LOXHD1: variants seen among roughly 807,000 people sequenced by gnomAD.
LOXHD1 encodes lipoxygenase homology domain-containing protein 1.
In LOXHD1, 205 loss-of-function variants were observed where a neutral mutation model predicts 248.2. The ratio of observed to expected loss-of-function variants is 0.83; its 90% CI spans 0.74 to 0.93. The LOEUF (loss-of-function observed/expected upper bound fraction) is 0.93. LOXHD1 is among the 40% of genes least tolerant of loss of function. The probability of loss-of-function intolerance (pLI) is 0.00; values close to 1 mark genes in which losing one functional copy is unlikely to be tolerated. For synonymous variants in LOXHD1, 1,113 were observed against 1,162.8 expected (o/e 0.96, Z 0.87); for missense variants, 2,930 against 2,971.6 (o/e 0.99, Z 0.33).
chr18:46,557,863 G>A (rs942574520), intron 20 of LOXHD1: 78 of 1,196,084 alleles, frequency 6.5e-5, no homozygotes, highest in Non-Finnish European at 7.9e-5. Flanking sequence ...GTGCAGGTGT[G>A]TGCATAATCT....
chr18:46,503,665 T>C (rs1460947776), intron 37 of LOXHD1, among the ~76,000 whole-genome samples: 1 of 152,174 alleles, frequency 6.6e-6, no homozygotes, highest in African/African-American at 2.4e-5. Context: ...GCATTAAGGA[T>C]ATTTGAGCAT....
At chr18:46,585,424 G>C (rs1219978645) in intron 12 of LOXHD1, among the ~76,000 whole-genome samples, 1 of 152,022 alleles carries the variant, frequency 6.6e-6, no homozygotes, top group Non-Finnish European at 1.5e-5. Context: ...GTGAAATTAA[G>C]ACAACAGTTC....
At chr18:46,649,901 A>T (rs2039086397) in intron 1 of LOXHD1, among the ~76,000 whole-genome samples, 1 of 152,138 alleles carries the variant, frequency 6.6e-6, no homozygotes, top group Non-Finnish European at 1.5e-5. Context: ...GAAGGCAAGA[A>T]TGCATCTGGA....
At position 46,606,041 on chromosome 18, in the gene LOXHD1, T is replaced by G. The variant is rs1044300178; in HGVS notation, c.760-1812A>C. On this transcript the variant is annotated intron_variant, in intron 6 of 40. Transcript: ENST00000642948. ...ACTCACACCATTCAACTGATGTGCT[T>G]AAAAGAATATAAGCAGATTTAGTCT... Among the ~76,000 whole-genome samples, 3 of 152,270 alleles carry G rather than the reference T, an allele frequency of 2.0e-5. 1 individual carries two copies. Among genetic ancestry groups the G allele is most frequent in the Admixed American group, 2.0e-4 (3 of 15,284 alleles).
intron 5 of LOXHD1, among the ~76,000 whole-genome samples, chr18:46,617,320 A>T (rs2038601627): frequency 6.6e-6 from 1 of 152,166 alleles, no homozygotes; most frequent in South Asian, 2.1e-4. Context: ...CCTCTGAACC[A>T]TCAGGGCTTC....
At chr18:46,478,747 C>T (rs2032267726) in intron 40 of LOXHD1, among the ~76,000 whole-genome samples, 1 of 152,118 alleles carries the variant, frequency 6.6e-6, no homozygotes, top group South Asian at 2.1e-4. Context: ...GGTTGGACTG[C>T]AATGGCGCGA....
chr18:46,618,367 C>T (rs2038620229), intron 4 of LOXHD1, 77 bp from the exon 5 acceptor site: 4 of 891,468 alleles, frequency 4.5e-6, no homozygotes, highest in Non-Finnish European at 7.2e-6. Flanking sequence ...GTAGCTACCA[C>T]ACCATCTACA....
At chr18:46,556,064 T>C (rs1001928226) in intron 21 of LOXHD1, among the ~76,000 whole-genome samples, 1 of 150,934 alleles carries the variant, frequency 6.6e-6, no homozygotes, top group African/African-American at 2.4e-5. Flanking sequence ...GTGAAAATTA[T>C]ATGAATTTCA....
chr18:46,562,054 G>C (rs1172596760), intron 18 of LOXHD1, among the ~76,000 whole-genome samples: 1 of 152,220 alleles, frequency 6.6e-6, no homozygotes, highest in Non-Finnish European at 1.5e-5. Flanking sequence ...ATTGACTCTT[G>C]ATCATTACAG....
intron 2 of LOXHD1, among the ~76,000 whole-genome samples, chr18:46,642,840 G>A (rs1039347083): frequency 7.2e-5 from 11 of 152,216 alleles, no homozygotes; most frequent in South Asian, 2.1e-4. Flanking sequence ...TTTGAGCCCC[G>A]GCCTGCCAGC....
rs1256277774 is a variant in LOXHD1, at chr18:46,494,847, C to CTTTTTTTTTTTTTTTTT, written c.5879-5706_5879-5705insAAAAAAAAAAAAAAAAA. On this transcript the variant is annotated intron_variant, in intron 37 of 40. Coordinates refer to ENST00000642948, the MANE Select transcript of LOXHD1 (RefSeq NM_001384474.1). ...ATTTTTCTTTCTCCTTTTTCTCTCT[C>CTTTTTTTTTTTTTTTTT]TCTTTTTTTTTTTTTTTTTTTTTTG... 6.3e-4 allele frequency among the ~76,000 whole-genome samples: 72 copies of CTTTTTTTTTTTTTTTTT among 113,416 alleles called. 4 individuals carry two copies. The highest frequency in any genetic ancestry group is 1.2e-3 in the Non-Finnish European group (60 of 52,104). The allele number at this position is 113,416 out of a possible 152,430, so 74.4% of individuals were successfully genotyped here.
chr18:46,635,184 G>A (rs1289693603), intron 4 of LOXHD1, among the ~76,000 whole-genome samples: 2 of 152,088 alleles, frequency 1.3e-5, no homozygotes, highest in Admixed American at 6.6e-5. Flanking sequence ...ACACTGTGTT[G>A]TGTCGGAAAC....
Position 46,479,776 on chromosome 18 carries a change from AC to A in LOXHD1, c.6342-1825del, listed in dbSNP as rs376091851. Among the ~76,000 whole-genome samples, 6 of 144,048 alleles carry A rather than the reference AC, an allele frequency of 4.2e-5. No individual in the cohort carries two copies. The East Asian group carries it at 6.5e-4, about 16-fold the overall frequency. The allele number at this position is 144,048 out of a possible 152,430, so 94.5% of individuals were successfully genotyped here. On this transcript the variant is annotated intron_variant, in intron 40 of 40. Transcript: ENST00000642948. Reference sequence around the variant, plus strand: ...ACATTCTTAACAGAAAAAAAAAAAAACAAAAAAAAAAACACCTTTGGTTTTT... The same window carrying A: ...ACATTCTTAACAGAAAAAAAAAAAAAAAAAAAAAAAACACCTTTGGTTTTT...
intron 14 of LOXHD1, among the ~76,000 whole-genome samples, chr18:46,575,446 T>C (rs764202161): frequency 1.1e-4 from 16 of 152,170 alleles, no homozygotes; most frequent in Non-Finnish European, 2.2e-4. Flanking sequence ...TATTTGGAAA[T>C]AGGGTCATTG....
chr18:46,625,110 G>A (rs899742490), intron 4 of LOXHD1, among the ~76,000 whole-genome samples: 3 of 152,158 alleles, frequency 2.0e-5, no homozygotes, highest in African/African-American at 7.2e-5. Flanking sequence ...CCTAGATTTG[G>A]ACTCAGGGCA....
intron 4 of LOXHD1, among the ~76,000 whole-genome samples, chr18:46,632,080 G>C (rs1440472180): frequency 6.6e-6 from 1 of 152,212 alleles, no homozygotes; most frequent in Non-Finnish European, 1.5e-5. Context: ...GGCACTCTGT[G>C]CTGCTTGCCT....
intron 37 of LOXHD1, among the ~76,000 whole-genome samples, chr18:46,502,310 G>A (rs1003256381): frequency 2.6e-5 from 4 of 152,172 alleles, no homozygotes; most frequent in Non-Finnish European, 4.4e-5. Context: ...GGTTCATCCC[G>A]AGAAACAGGC....
chr18:46,518,613 T>G (rs1279800514), intron 33 of LOXHD1, among the ~76,000 whole-genome samples: 2 of 152,242 alleles, frequency 1.3e-5, no homozygotes, highest in Non-Finnish European at 2.9e-5. Context: ...CAGAGCTCCA[T>G]GTGAATCCCA....
At chr18:46,550,119 C>A (rs1226925662) in intron 21 of LOXHD1, among the ~76,000 whole-genome samples, 3 of 152,286 alleles carry the variant, frequency 2.0e-5, no homozygotes, top group South Asian at 2.1e-4. Context: ...AACAAAGATA[C>A]CCTAATTAAA....
Sources: allele counts gnomAD v4.1 joint callset (sites outside exome capture counted in the v4.1 genomes callset), GRCh38; gene constraint gnomAD v4.1.1; transcripts MANE v1.5; gene names NCBI Gene and HGNC (gene_info 2026-07-23, HGNC 2026-07-21).